Variants in SYNE1 observed in about 807,000 individuals in gnomAD.
SYNE1 encodes the protein spectrin repeat containing nuclear envelope protein 1.
A neutral mutation model predicts 1,111.0 loss-of-function variants in SYNE1; 616 were observed. The observed-to-expected ratio is 0.55, with a 90% CI of 0.52 to 0.59. The LOEUF (loss-of-function observed/expected upper bound fraction) is 0.59. Among genes scored for constraint, SYNE1 ranks in the 20% least tolerant of loss-of-function variants. The probability of loss-of-function intolerance (pLI) is 0.00; values close to 1 mark genes in which losing one functional copy is unlikely to be tolerated. For missense variants in SYNE1, 10,006 were observed against 10,417.0 expected, an observed-to-expected ratio of 0.96 and a Z score of 1.72; for synonymous variants, 3,855 against 3,825.8, an observed-to-expected ratio of 1.01 and a Z score of -0.28.
chr6:152,433,033 T>C (rs2098442205), intron 34 of SYNE1, among the ~76,000 whole-genome samples: 1 of 152,026 alleles, frequency 6.6e-6, no homozygotes, highest in Non-Finnish European at 1.5e-5. Context: ...TTCCCTCACC[T>C]TGGTATTTAT....
chr6:152,489,049 A>G (rs976899178), intron 11 of SYNE1, among the ~76,000 whole-genome samples: 4 of 152,186 alleles, frequency 2.6e-5, no homozygotes, highest in African/African-American at 9.7e-5. Flanking sequence ...GGAACATAAT[A>G]CCTATTAGAG....
chr6:152,162,967 A>T (rs536337646), intron 131 of SYNE1, among the ~76,000 whole-genome samples: 12 of 152,228 alleles, frequency 7.9e-5, no homozygotes, highest in Non-Finnish European at 1.6e-4. Context: ...TCATTGGCTT[A>T]AATAGTCTGT....
At chr6:152,269,469 A>T (rs923727074) in intron 98 of SYNE1, among the ~76,000 whole-genome samples, 183 bp from the exon 99 acceptor site, 29 of 152,198 alleles carry the variant, frequency 1.9e-4, no homozygotes, top group Admixed American at 1.9e-3. Flanking sequence ...CATTTGCAGG[A>T]GCAAGAACAA....
chr6:152,266,016 T>G (rs1225761601), intron 100 of SYNE1, among the ~76,000 whole-genome samples: 1 of 152,142 alleles, frequency 6.6e-6, no homozygotes, highest in Non-Finnish European at 1.5e-5. Context: ...CATGGTTAAT[T>G]GTTTGCCTGG....
chr6:152,600,616 T>G (rs2099593906), intron 3 of SYNE1, among the ~76,000 whole-genome samples: 2 of 152,324 alleles, frequency 1.3e-5, no homozygotes, highest in East Asian at 3.9e-4. Context: ...AATCTACTTC[T>G]GTATTTCTCT....
At chr6:152,288,548 CT>C (rs1562805067) in intron 95 of SYNE1, among the ~76,000 whole-genome samples, 2 of 152,120 alleles carry the variant, frequency 1.3e-5, no homozygotes, top group African/African-American at 4.8e-5. Flanking sequence ...TCACTTAAAT[CT>C]TTTTTTAATT....
At chr6:152,558,683 A>C (rs1488353685) in intron 3 of SYNE1, among the ~76,000 whole-genome samples, 2 of 152,216 alleles carry the variant, frequency 1.3e-5, no homozygotes, top group Non-Finnish European at 2.9e-5. Context: ...GGAGCACCTA[A>C]ATATATAAAA....
At position 152,254,776 on chromosome 6, in the gene SYNE1, C is replaced by T. The variant is rs564823766; in HGVS notation, c.19470+104G>A. On this transcript the variant is annotated intron_variant, in intron 104 of 145. Transcript: ENST00000367255. ...TCTACAATGCTCTTGTTCTTCATTA[C>T]GCATTTAGAAAAACAACAACCAGGT... 27 of 997,618 alleles carry T rather than the reference C, an allele frequency of 2.7e-5. No individual in the cohort carries two copies. In the South Asian group the frequency reaches 2.8e-4, roughly 10 times the overall value. The allele number at this position is 997,618 out of a possible 1,614,324, so 61.8% of individuals were successfully genotyped here. A position where few individuals can be genotyped will look rare whatever the true frequency, so the allele number is the denominator to read the frequency against.
intron 3 of SYNE1, among the ~76,000 whole-genome samples, chr6:152,556,291 C>T (rs1404913521): frequency 6.6e-6 from 1 of 152,212 alleles, no homozygotes; most frequent in East Asian, 1.9e-4. Flanking sequence ...ATATCACCCC[C>T]TTCCCAAGCC....
At chr6:152,184,701 G>A (rs2069277032) in intron 128 of SYNE1, among the ~76,000 whole-genome samples, 1 of 152,020 alleles carries the variant, frequency 6.6e-6, no homozygotes, top group South Asian at 2.1e-4. Context: ...AATCCCTTGT[G>A]TTTATCACAC....
In SYNE1 at chr6:152,593,236, C is replaced by T. The variant is rs1399809132; in HGVS notation, c.67+35029G>A. 2.6e-5 allele frequency among the ~76,000 whole-genome samples: 4 copies of T among 151,688 alleles called. No individual in the cohort carries two copies. In the East Asian group the frequency reaches 5.8e-4, roughly 22 times the overall value. Reference sequence around the variant, plus strand: ...TTTCCAAGAATCTATTGATAGCATTCAATGAGGACTTGTACCATAAAGAAA... The same window carrying T: ...TTTCCAAGAATCTATTGATAGCATTTAATGAGGACTTGTACCATAAAGAAA... On this transcript the variant is annotated intron_variant, in intron 3 of 145. Coordinates refer to ENST00000367255, the MANE Select transcript of SYNE1 (RefSeq NM_182961.4).
intron 56 of SYNE1, among the ~76,000 whole-genome samples, chr6:152,378,990 AT>A (rs1353241848): frequency 6.6e-6 from 1 of 152,228 alleles, no homozygotes; most frequent in Non-Finnish European, 1.5e-5. Flanking sequence ...TCTCTCTGAA[AT>A]TCCAAACACT....
chr6:152,370,192 C>T (rs2097156435), intron 59 of SYNE1, among the ~76,000 whole-genome samples: 1 of 152,018 alleles, frequency 6.6e-6, no homozygotes, highest in Non-Finnish European at 1.5e-5. Context: ...ACTTCTAGAG[C>T]ATTTGTTGTC....
chr6:152,143,950 A>G, intron 137 of SYNE1, 185 bp from the exon 138 acceptor site: 3 of 805,236 alleles, frequency 3.7e-6, no homozygotes, highest in Non-Finnish European at 4.0e-6. Context: ...GGCCAAACCA[A>G]TGAAGGTGCT....
intron 3 of SYNE1, among the ~76,000 whole-genome samples, chr6:152,612,955 T>C (rs1053524514): frequency 5.3e-5 from 8 of 152,142 alleles, no homozygotes; most frequent in African/African-American, 1.9e-4. Flanking sequence ...CAGTGCTTCA[T>C]GCTAAAAAAT....
chr6:152,302,086 G>C (rs199728699), intron 91 of SYNE1, 23 bp from the exon 92 acceptor site: 3 of 1,613,942 alleles, frequency 1.9e-6, no homozygotes, highest in African/African-American at 2.7e-5. Context: ...TTCCCCCACC[G>C]GGGTGTCAGA....
rs571349287 is a variant in SYNE1 at position 152,580,523 on chromosome 6, C to T, written c.68-40502G>A. ...CAGAAGCTTTTTAGTTTAATTAGGC[C>T]CTGCTTGTCAATGTTTGTTTTTGTT... is the stretch of plus-strand genomic sequence containing the variant. On this transcript the variant is annotated intron_variant, in intron 3 of 145. Coordinates refer to ENST00000367255, the MANE Select transcript of SYNE1 (RefSeq NM_182961.4). Among the ~76,000 whole-genome samples, 5 of 152,134 alleles carry T rather than the reference C, an allele frequency of 3.3e-5. No individual in the cohort carries two copies. The South Asian group carries it at 1.0e-3, about 32-fold the overall frequency.
chr6:152,623,411 A>G (rs1441808239), intron 3 of SYNE1, among the ~76,000 whole-genome samples: 3 of 152,224 alleles, frequency 2.0e-5, no homozygotes, highest in African/African-American at 7.2e-5. Context: ...ACACAAAACT[A>G]TAAAAACCAC....
At chr6:152,383,783 C>T (rs1023527179) in intron 55 of SYNE1, among the ~76,000 whole-genome samples, 2 of 152,198 alleles carry the variant, frequency 1.3e-5, no homozygotes, top group Non-Finnish European at 2.9e-5. Flanking sequence ...TCTTCTTAAC[C>T]TGAAATTCAG....
Sources: gnomAD v4.1 joint callset for allele counts (sites outside exome capture counted in the v4.1 genomes callset) on GRCh38, gnomAD v4.1.1 for gene constraint, MANE v1.5 for transcripts, NCBI Gene and HGNC (gene_info 2026-07-23, HGNC 2026-07-21) for gene names.